The following TRIM55 variants were observed in gnomAD, a reference collection of about 807,000 sequenced individuals.
TRIM55 encodes tripartite motif-containing protein 55.
In TRIM55, 50 loss-of-function variants were observed where a neutral mutation model predicts 60.9. The ratio of observed to expected loss-of-function variants is 0.82; its 90% CI spans 0.65 to 1.04. The LOEUF (loss-of-function observed/expected upper bound fraction) is 1.04, where lower values mean the gene tolerates loss of function less well. Ranked by LOEUF, TRIM55 falls within the 50% of genes least tolerant of loss-of-function variation. The pLI is 0.00. For synonymous variants in TRIM55, 237 were observed against 238.1 expected (o/e 1.00, Z 0.04); for missense variants, 681 against 666.9 (o/e 1.02, Z -0.23).
chr8:66,162,540 A>ATTTAAGG (rs1811112350), intron 9 of TRIM55, among the ~76,000 whole-genome samples: 1 of 151,364 alleles, frequency 6.6e-6, no homozygotes, highest in Non-Finnish European at 1.5e-5. Context: ...TCATAGAATG[A>ATTTAAGG]TTTAAGGAGG....
chr8:66,154,220 G>A lies in TRIM55; in HGVS notation c.1410G>A (p.Gly470=). 4 of 1,614,094 alleles carry A rather than the reference G, an allele frequency of 2.5e-6. No homozygotes were observed. Among genetic ancestry groups the A allele is most frequent in the African/African-American group, 1.3e-5 (1 of 75,006 alleles). ...TPGSEGLGQI[G]PPGSEDSNVR... ...GGAGCGAAGGTCTGGGGCAAATAGG[G>A]CCTCCAGGTTCTGAGGATTCGAATG... is the stretch of plus-strand genomic sequence containing the variant. The change falls in exon 9 of 10, where the codon GGG becomes GGA. Residue 470 remains glycine, a synonymous_variant. Transcript: ENST00000315962.
the TRIM55 span, chr8:66,113,367 C>A: frequency 7.9e-6 from 3 of 381,614 alleles, no homozygotes; most frequent in Non-Finnish European, 1.6e-5. Flanking sequence ...CGTACACGTC[C>A]CTTCGATAGC....
chr8:66,119,749 A>G, the TRIM55 span, among the ~76,000 whole-genome samples: 2 of 152,140 alleles, frequency 1.3e-5, no homozygotes, highest in South Asian at 4.1e-4. Flanking sequence ...TTTGCCCCCA[A>G]TATTTTTTTA....
chr8:66,118,667 A>G, the TRIM55 span, among the ~76,000 whole-genome samples: 1 of 152,194 alleles, frequency 6.6e-6, no homozygotes, highest in Non-Finnish European at 1.5e-5. Flanking sequence ...AAGCCAAATA[A>G]TGGTTAGAAA....
upstream of TRIM55, among the ~76,000 whole-genome samples, chr8:66,124,235 T>G (rs532582532): frequency 2.8e-4 from 42 of 152,310 alleles, no homozygotes; most frequent in South Asian, 8.1e-3. Context: ...CCAGCCACCT[T>G]CATGCTAATC....
At chr8:66,171,872 G>T (rs1811657156) in intron 9 of TRIM55, among the ~76,000 whole-genome samples, 1 of 152,206 alleles carries the variant, frequency 6.6e-6, no homozygotes, top group Admixed American at 6.5e-5. Context: ...CAGTGTCATT[G>T]ATGCCTGTGA....
intron 8 of TRIM55, among the ~76,000 whole-genome samples, chr8:66,153,579 A>T (rs1383748487): frequency 3.3e-5 from 5 of 152,242 alleles, no homozygotes; most frequent in South Asian, 2.1e-4. Context: ...AGAATTTTTA[A>T]ATTCTGAGCA....
At chr8:66,167,980 C>T (rs1811417195) in intron 9 of TRIM55, among the ~76,000 whole-genome samples, 1 of 152,112 alleles carries the variant, frequency 6.6e-6, no homozygotes, top group South Asian at 2.1e-4. Flanking sequence ...GAACTCCTGA[C>T]CTCAAGCAAT....
intron 8 of TRIM55, among the ~76,000 whole-genome samples, chr8:66,152,903 T>TTGTGTGTGTGTGTG (rs59283692): frequency 3.6e-5 from 5 of 140,296 alleles, no homozygotes; most frequent in African/African-American, 1.3e-4. Flanking sequence ...TGTCTGGAAA[T>TTGTGTGTGTGTGTG]TGTGTGTGTG....
chr8:66,154,039 T>C lies in TRIM55; in HGVS notation c.1237-8T>C, dbSNP rs757901840. The C allele has an allele frequency of 6.2e-7, 1 of 1,603,094 alleles. No individual in the cohort carries two copies. Among genetic ancestry groups the C allele is most frequent in the South Asian group, 1.1e-5 (1 of 89,848 alleles). On this transcript the variant is annotated splice_region_variant and splice_polypyrimidine_tract_variant and intron_variant, in intron 8 of 9. Transcript: ENST00000315962. The stretch of plus-strand genomic sequence containing the variant: ...TCTTTACTTTTGAATTTATCTGTCC[T>C]GATTAAGGGGGAGGTTGTACCCACT...
intron 9 of TRIM55, chr8:66,155,761 A>G (rs754017767): frequency 1.6e-6 from 2 of 1,280,034 alleles, no homozygotes; most frequent in East Asian, 2.3e-5. Context: ...AGTTTCTTCC[A>G]TAATGTTCCT....
At chr8:66,113,562 G>A in the TRIM55 span, 1 of 456,272 alleles carries the variant, frequency 2.2e-6, no homozygotes, top group Non-Finnish European at 4.4e-6. Flanking sequence ...AAAGTCTAGC[G>A]CTTTCTCCCC....
rs1232844706 is a variant in TRIM55 at position 66,137,143 on chromosome 8, G to A, written c.556G>A (p.Val186Ile). Residue 186 changes from valine (V) to isoleucine (I), a missense_variant, in exon 4 of 10, where the codon GTC becomes ATC. Val to Ile is a conservative substitution (Grantham distance 29). Coordinates refer to ENST00000315962, the MANE Select transcript of TRIM55 (RefSeq NM_184085.2). ...IAILVGSNDR[V>I]QGVISQLEDT... ...CATCCTCGTGGGCAGCAACGATCGA[G>A]TCCAGGGAGTGATCAGCCAGCTGGA... 2.5e-6 allele frequency: 4 copies of A among 1,614,164 alleles called. No individual in the cohort carries two copies. In the South Asian group the frequency reaches 3.3e-5, roughly 13 times the overall value.
chr8:66,163,922 T>G (rs1811179878), intron 9 of TRIM55, among the ~76,000 whole-genome samples: 1 of 152,202 alleles, frequency 6.6e-6, no homozygotes, highest in South Asian at 2.1e-4. Flanking sequence ...ACAGTATCAG[T>G]TTTTGCCTTA....
At chr8:66,140,777 G>A (rs900969315) in intron 4 of TRIM55, among the ~76,000 whole-genome samples, 34 of 152,348 alleles carry the variant, frequency 2.2e-4, no homozygotes, top group African/African-American at 8.2e-4. Context: ...TTGTGTCTCT[G>A]GTTCTGCCCG....
At chr8:66,159,265 G>A (rs73249993) in intron 9 of TRIM55, among the ~76,000 whole-genome samples, 7,930 of 152,266 alleles carry the variant, frequency 0.052, 632 homozygotes, top group African/African-American at 0.17. Flanking sequence ...GTTCCAAACT[G>A]TCTTGTGAAT....
intron 9 of TRIM55, among the ~76,000 whole-genome samples, chr8:66,172,962 G>C (rs1482524789): frequency 6.6e-6 from 1 of 152,166 alleles, no homozygotes; most frequent in Admixed American, 6.5e-5. Context: ...TGAGACTTAA[G>C]GGTTTGTTTT....
At chr8:66,114,170 A>G in the TRIM55 span, among the ~76,000 whole-genome samples, 1 of 149,950 alleles carries the variant, frequency 6.7e-6, no homozygotes, top group South Asian at 2.1e-4. Flanking sequence ...GGAACAGATA[A>G]TAAGCCGTGC....
chr8:66,118,055 G>C, the TRIM55 span, among the ~76,000 whole-genome samples: 1 of 150,608 alleles, frequency 6.6e-6, no homozygotes, highest in Non-Finnish European at 1.5e-5. Context: ...TGTAGTCCCA[G>C]CTGCTCGGGA....
Sources: gnomAD v4.1 joint callset for allele counts (sites outside exome capture counted in the v4.1 genomes callset) on GRCh38, gnomAD v4.1.1 for gene constraint, MANE v1.5 for transcripts, NCBI Gene and HGNC (gene_info 2026-07-23, HGNC 2026-07-21) for gene names.